Variants in HTR6 observed in about 807,000 individuals in gnomAD.
HTR6 encodes the protein 5-hydroxytryptamine (serotonin) receptor 6, G protein-coupled.
In HTR6, 15 loss-of-function variants were observed where a neutral mutation model predicts 17.4. That is an observed-to-expected ratio of 0.86 (90% CI 0.58 to 1.33). The LOEUF (loss-of-function observed/expected upper bound fraction) is 1.33. HTR6 is among the 40% of genes most tolerant of loss of function. The probability of loss-of-function intolerance (pLI) is 0.00; values close to 1 mark genes in which losing one functional copy is unlikely to be tolerated. For missense variants in HTR6, 578 were observed against 616.0 expected, an observed-to-expected ratio of 0.94 and a Z score of 0.65; for synonymous variants, 326 against 295.5, an observed-to-expected ratio of 1.10 and a Z score of -1.06.
Position 19,666,565 on chromosome 1 carries a change from C to A in HTR6, c.714+98C>A. ...CATCCCCACTTAGCACACATTTGCT[C>A]ATGGCCCTGCGTGGCTGTTGTGAGC... On this transcript the variant is annotated intron_variant, in intron 1 of 2. Coordinates refer to ENST00000289753, the MANE Select transcript of HTR6 (RefSeq NM_000871.3). The surrounding 1 kb of genome is among the most constrained non-coding windows in gnomAD (Gnocchi z 4.5). 3.4e-6 allele frequency: 3 copies of A among 889,398 alleles called. No individual in the cohort carries two copies. Among genetic ancestry groups the A allele is most frequent in the Non-Finnish European group, 3.4e-6 (2 of 596,424 alleles). The allele number at this position is 889,398 out of a possible 1,614,324, so 55.1% of individuals were successfully genotyped here. A position where few individuals can be genotyped will look rare whatever the true frequency, so the allele number is the denominator to read the frequency against.
At chr1:19,676,575 T>G (rs1298060960) in intron 1 of HTR6, among the ~76,000 whole-genome samples, 1 of 152,182 alleles carries the variant, frequency 6.6e-6, no homozygotes, top group South Asian at 2.1e-4. Flanking sequence ...AGACCGCGTG[T>G]AGTTGGGGTT....
At chr1:19,673,942 C>T (rs1211543178) in intron 1 of HTR6, among the ~76,000 whole-genome samples, 5 of 150,934 alleles carry the variant, frequency 3.3e-5, no homozygotes, top group Non-Finnish European at 5.9e-5. Context: ...CCACGGCTCA[C>T]TGCAGCCTTG....
chr1:19,666,338 C>G lies in HTR6; in HGVS notation c.585C>G (p.Leu195=). Residue 195 remains leucine (L), a synonymous_variant, in exon 1 of 3, where the codon CTC becomes CTG. Transcript: ENST00000289753. The surrounding 1 kb of genome is among the most constrained non-coding windows in gnomAD (Gnocchi z 4.5). ...CTTTTGTCCTTGTGGCGTCGGGCCT[C>G]ACCTTCTTCCTGCCCTCGGGTGCCA... ...SLPFVLVASG[L]TFFLPSGAIC... is the part of the protein sequence containing the mutation. The G allele has an allele frequency of 6.2e-7, 1 of 1,613,812 alleles. No individual in the cohort carries two copies. Among genetic ancestry groups the G allele is most frequent in the Non-Finnish European group, 8.5e-7 (1 of 1,179,960 alleles).
At position 19,666,307 on chromosome 1, in the gene HTR6, G is replaced by A; in HGVS notation, c.554G>A (p.Ser185Asn). The A allele has an allele frequency of 1.2e-6, 2 of 1,613,130 alleles. No homozygotes were observed. Among genetic ancestry groups the A allele is most frequent in the Non-Finnish European group, 1.7e-6 (2 of 1,179,936 alleles). The change falls in exon 1 of 3, where the codon AGC becomes AAC. Residue 185 changes from serine (S) to asparagine (N), a missense_variant. Transcript: ENST00000289753. The surrounding 1 kb of genome is among the most constrained non-coding windows in gnomAD (Gnocchi z 4.5). ...PVPGQCRLLASLPFVLVASGL... is the reference protein window; with the variant it reads ...PVPGQCRLLANLPFVLVASGL... ...CCTGGCCAGTGCCGCCTGCTGGCCA[G>A]CCTGCCTTTTGTCCTTGTGGCGTCG...
Position 19,666,850 on chromosome 1 carries a change from C to T in HTR6, c.714+383C>T, listed in dbSNP as rs2095082272. ...ATTAGCGAGACCTGTTGGCGCTGCT[C>T]TAAACAGGTGCCATCTCCCCTGCCA... On this transcript the variant is annotated intron_variant, in intron 1 of 2. Transcript: ENST00000289753. This position sits in a 1 kb window ranked among gnomAD's most constrained non-coding sequence, Gnocchi z 4.5. Among the ~76,000 whole-genome samples the T allele has an allele frequency of 6.6e-6, 1 of 152,162 alleles. No individual in the cohort carries two copies. The highest frequency in any genetic ancestry group is 1.5e-5 in the Non-Finnish European group (1 of 68,038).
At chr1:19,676,127 A>G (rs2095094149) in intron 1 of HTR6, among the ~76,000 whole-genome samples, 1 of 151,996 alleles carries the variant, frequency 6.6e-6, no homozygotes, top group South Asian at 2.1e-4. Context: ...AATCACCCCA[A>G]CCTCACAACA....
chr1:19,679,021 G>A lies in HTR6; in HGVS notation c.976G>A (p.Asp326Asn). 1 of 1,614,144 alleles carries A rather than the reference G, an allele frequency of 6.2e-7. No individual in the cohort carries two copies. The highest frequency in any genetic ancestry group is 8.5e-7 in the Non-Finnish European group (1 of 1,180,000). ...NPIIYPLFMR[D>N]FKRALGRFLP... The stretch of plus-strand genomic sequence containing the variant: ...CATCATCTACCCACTCTTCATGCGG[G>A]ACTTCAAGCGGGCGCTGGGCAGGTT... Residue 326 changes from aspartate to asparagine, a missense_variant, in exon 3 of 3, where the codon GAC becomes AAC. Asp to Asn is a conservative substitution (Grantham distance 23). Coordinates refer to ENST00000289753, the MANE Select transcript of HTR6 (RefSeq NM_000871.3). This position sits in a 1 kb window ranked among gnomAD's most constrained non-coding sequence, Gnocchi z 4.9.
Position 19,678,910 on chromosome 1 carries a change from TC to T in HTR6, c.874-3del, listed in dbSNP as rs750812034. 2.5e-6 allele frequency: 4 copies of T among 1,582,360 alleles called. No individual in the cohort carries two copies. The highest frequency in any genetic ancestry group is 1.7e-5 in the Admixed American group (1 of 58,476). ...CTGGGACCAGGCATGATGCATCCCC[TC>T]CCCCCAGGCCGTGTGCGACTGCATC... On this transcript the variant is annotated splice_region_variant and splice_polypyrimidine_tract_variant and intron_variant, in intron 2 of 2. Coordinates refer to ENST00000289753, the MANE Select transcript of HTR6 (RefSeq NM_000871.3).
chr1:19,678,857 G>T lies in HTR6; in HGVS notation c.874-62G>T, dbSNP rs913605333. On this transcript the variant is annotated intron_variant, in intron 2 of 2. Coordinates refer to ENST00000289753, the MANE Select transcript of HTR6 (RefSeq NM_000871.3). ...GTGTGTGTGTGTCTGCTCCATACAT[G>T]CTGGGAAGGGTGGCCTGGGTCCCTG... 3.8e-6 allele frequency: 6 copies of T among 1,559,082 alleles called. No homozygotes were observed. The South Asian group carries it at 4.9e-5, about 13-fold the overall frequency.
Position 19,666,271 on chromosome 1 carries a change from G to A in HTR6, c.518G>A (p.Arg173Gln), listed in dbSNP as rs774275533. The stretch of plus-strand genomic sequence containing the variant: ...GGCTGGCACGAGCTGGGCCACGCAC[G>A]GCCACCCGTCCCTGGCCAGTGCCGC... ...LLGWHELGHA[R>Q]PPVPGQCRLL... The change falls in exon 1 of 3, where the codon CGG becomes CAG. Residue 173 changes from arginine to glutamine, a missense_variant. Physicochemically the swap from Arg to Gln is conservative, Grantham distance 43. Coordinates refer to ENST00000289753, the MANE Select transcript of HTR6 (RefSeq NM_000871.3). The surrounding 1 kb of genome is among the most constrained non-coding windows in gnomAD (Gnocchi z 4.5). 1 of 1,610,614 alleles carries A rather than the reference G, an allele frequency of 6.2e-7. No individual in the cohort carries two copies. Among genetic ancestry groups the A allele is most frequent in the South Asian group, 1.1e-5 (1 of 91,046 alleles).
In HTR6 at chr1:19,679,269, C is replaced by G. The variant is rs2095098697; in HGVS notation, c.1224C>G (p.Pro408=). The change falls in exon 3 of 3, where the codon CCC becomes CCG. Residue 408 remains proline, a synonymous_variant. Coordinates refer to ENST00000289753, the MANE Select transcript of HTR6 (RefSeq NM_000871.3). The surrounding 1 kb of genome is among the most constrained non-coding windows in gnomAD (Gnocchi z 4.9). ...TTCCTGGCGAGGCCACCCAGGACCC[C>G]CCGCTGCCCACCAGGGCCGCTGCCG... is the stretch of plus-strand genomic sequence containing the variant. ...LLLPGEATQD[P]PLPTRAAAAV... The G allele has an allele frequency of 1.2e-6, 2 of 1,603,488 alleles. No homozygotes were observed. The highest frequency in any genetic ancestry group is 1.7e-6 in the Non-Finnish European group (2 of 1,176,838).
In HTR6 at chr1:19,680,552, C is replaced by T. The variant is rs1309156367; in HGVS notation, c.*1184C>T. Among the ~76,000 whole-genome samples the T allele has an allele frequency of 6.6e-6, 1 of 152,228 alleles. No homozygotes were observed. The highest frequency in any genetic ancestry group is 1.5e-5 in the Non-Finnish European group (1 of 68,046). On this transcript the variant is annotated 3_prime_UTR_variant, in exon 3 of 3. Coordinates refer to ENST00000289753, the MANE Select transcript of HTR6 (RefSeq NM_000871.3). ...AGGGAACAACTGATGGGGATAAACC[C>T]AGCCCCTTGCCCACCTGCCTCTGGC...
chr1:19,672,535 C>G (rs2095089484), intron 1 of HTR6, among the ~76,000 whole-genome samples: 1 of 152,082 alleles, frequency 6.6e-6, no homozygotes, highest in South Asian at 2.1e-4. Flanking sequence ...AGCCAGGCAG[C>G]CTGGTGCAGC....
In HTR6 at chr1:19,665,668, G is replaced by C. The variant is rs1173020560; in HGVS notation, c.-86G>C. ...TGAGTCGCGGTCTGTTCTCACGGAC[G>C]GTCCCCGTCCAGCCTGCGCTTCGCC... is the stretch of plus-strand genomic sequence containing the variant. On this transcript the variant is annotated 5_prime_UTR_variant, in exon 1 of 3. Transcript: ENST00000289753. The surrounding 1 kb of genome is among the most constrained non-coding windows in gnomAD (Gnocchi z 4.2). 6.7e-6 allele frequency: 6 copies of C among 897,312 alleles called. No homozygotes were observed. The highest frequency in any genetic ancestry group is 9.9e-6 in the Non-Finnish European group (6 of 604,716). The allele number at this position is 897,312 out of a possible 1,614,324, so 55.6% of individuals were successfully genotyped here.
intron 1 of HTR6, among the ~76,000 whole-genome samples, chr1:19,672,413 A>G (rs116471301): frequency 6.6e-6 from 1 of 150,820 alleles, no homozygotes; most frequent in Non-Finnish European, 1.5e-5. Context: ...CCTCCTCCTC[A>G]GAGGAGGAGG....
At chr1:19,671,435 C>A (rs1045759100) in intron 1 of HTR6, among the ~76,000 whole-genome samples, 2 of 152,318 alleles carry the variant, frequency 1.3e-5, no homozygotes, top group Admixed American at 6.5e-5. Flanking sequence ...CTTAAGTAAG[C>A]CTCCTGCAGG....
rs779916381 is a variant in HTR6 at position 19,679,030 on chromosome 1, C to T, written c.985C>T (p.Arg329Trp). 23 of 1,614,140 alleles carry T rather than the reference C, an allele frequency of 1.4e-5. No individual in the cohort carries two copies. Among genetic ancestry groups the T allele is most frequent in the East Asian group, 8.9e-5 (4 of 44,880 alleles). ...IYPLFMRDFK[R>W]ALGRFLPCPR... ...CCCACTCTTCATGCGGGACTTCAAG[C>T]GGGCGCTGGGCAGGTTCCTGCCATG... Residue 329 changes from arginine (R) to tryptophan (W), a missense_variant, in exon 3 of 3, where the codon CGG becomes TGG. Physicochemically the swap from Arg to Trp is moderately radical, Grantham distance 101. Transcript: ENST00000289753. This position sits in a 1 kb window ranked among gnomAD's most constrained non-coding sequence, Gnocchi z 4.9.
Position 19,665,919 on chromosome 1 carries a change from G to T in HTR6, c.166G>T (p.Ala56Ser). ...GATCGCGCTCATCTGCACTCAGCCC[G>T]CGCTGCGCAACACGTCCAACTTCTT... ...LLIALICTQPALRNTSNFFLV... is the reference protein window; with the variant it reads ...LLIALICTQPSLRNTSNFFLV... The change falls in exon 1 of 3, where the codon GCG becomes TCG. Residue 56 changes from alanine (A) to serine (S), a missense_variant. Physicochemically the swap from Ala to Ser is moderately conservative, Grantham distance 99. Coordinates refer to ENST00000289753, the MANE Select transcript of HTR6 (RefSeq NM_000871.3). The surrounding 1 kb of genome is among the most constrained non-coding windows in gnomAD (Gnocchi z 4.2). 1 of 1,613,264 alleles carries T rather than the reference G, an allele frequency of 6.2e-7. No homozygotes were observed. Among genetic ancestry groups the T allele is most frequent in the Non-Finnish European group, 8.5e-7 (1 of 1,179,784 alleles).
intron 2 of HTR6, 54 bp from the exon 3 acceptor site, chr1:19,678,865 G>C: frequency 6.4e-7 from 1 of 1,559,808 alleles, no homozygotes; most frequent in Middle Eastern, 1.7e-4. Flanking sequence ...ATGCTGGGAA[G>C]GGTGGCCTGG....
Sources: gnomAD v4.1 joint callset for allele counts (sites outside exome capture counted in the v4.1 genomes callset) on GRCh38, gnomAD v4.1.1 for gene constraint, Gnocchi (gnomAD v3.1) non-coding constraint, MANE v1.5 for transcripts, NCBI Gene and HGNC (gene_info 2026-07-23, HGNC 2026-07-21) for gene names.